PCDHGB1: variants seen among roughly 807,000 people sequenced by gnomAD.
PCDHGB1 encodes the protein protocadherin gamma subfamily B, 1.
A neutral mutation model predicts 56.6 loss-of-function variants in PCDHGB1; 34 were observed. That is an observed-to-expected ratio of 0.60 (90% CI 0.46 to 0.80). PCDHGB1 has a LOEUF of 0.80. Among genes scored for constraint, PCDHGB1 ranks in the 30% least tolerant of loss-of-function variants. The pLI, the probability that PCDHGB1 is intolerant of heterozygous loss-of-function variation, is 0.00. For synonymous variants in PCDHGB1, 561 were observed against 505.9 expected, an observed-to-expected ratio of 1.11 and a Z score of -1.46; for missense variants, 1,278 against 1,204.6, an observed-to-expected ratio of 1.06 and a Z score of -0.90.
intron 1 of PCDHGB1, chr5:141,366,252 G>A (rs772676267): frequency 8.1e-6 from 13 of 1,613,596 alleles, no homozygotes; most frequent in Non-Finnish European, 1.1e-5. Context: ...CTCAAGCAGA[G>A]CCTCGTGGTG....
At chr5:141,388,972 A>G in intron 1 of PCDHGB1, 1 of 1,614,008 alleles carries the variant, frequency 6.2e-7, no homozygotes, top group Non-Finnish European at 8.5e-7. Context: ...CTGGGAACAC[A>G]TATTGCTTTG....
rs766784928 is a variant in PCDHGB1, at chr5:141,431,447, G to T, written c.2410-63360G>T. ...GCGCACAGGCACCGCGCGCATCCGC[G>T]TGATGGTTCTGGATGCGAACGACAA... On this transcript the variant is annotated intron_variant, in intron 1 of 3. Coordinates refer to ENST00000523390, the MANE Select transcript of PCDHGB1 (RefSeq NM_018922.3). The surrounding 1 kb of genome is among the most constrained non-coding windows in gnomAD (Gnocchi z 4.8). 2 of 1,613,792 alleles carry T rather than the reference G, an allele frequency of 1.2e-6. No individual in the cohort carries two copies. The highest frequency in any genetic ancestry group is 1.7e-6 in the Non-Finnish European group (2 of 1,180,014).
chr5:141,484,763 T>C (rs2099600495), intron 1 of PCDHGB1, among the ~76,000 whole-genome samples: 1 of 151,872 alleles, frequency 6.6e-6, no homozygotes, highest in East Asian at 1.9e-4. Flanking sequence ...TATATATATA[T>C]ATGTTGTCTG....
intron 1 of PCDHGB1, chr5:141,418,636 C>G (rs564881404): frequency 6.2e-7 from 1 of 1,613,980 alleles, no homozygotes; most frequent in South Asian, 1.1e-5. Context: ...CTCCAGGCAC[C>G]TCCATCCTGA....
At chr5:141,455,607 G>A (rs2098827849) in intron 1 of PCDHGB1, among the ~76,000 whole-genome samples, 1 of 152,248 alleles carries the variant, frequency 6.6e-6, no homozygotes, top group East Asian at 1.9e-4. Context: ...GGGCGCCATG[G>A]ATGTTCTAAA....
At chr5:141,404,877 T>C in intron 1 of PCDHGB1, 1 of 1,613,856 alleles carries the variant, frequency 6.2e-7, no homozygotes, top group East Asian at 2.2e-5. Flanking sequence ...AAACAGAGCC[T>C]TGTGGTGGCT....
At chr5:141,393,175 T>C in intron 1 of PCDHGB1, 2 of 1,613,210 alleles carry the variant, frequency 1.2e-6, no homozygotes, top group Non-Finnish European at 1.7e-6. Flanking sequence ...GGGGTAGAAA[T>C]AGAAATAATT....
intron 1 of PCDHGB1, chr5:141,394,707 C>T (rs1325466311): frequency 1.2e-6 from 2 of 1,613,272 alleles, no homozygotes; most frequent in Non-Finnish European, 1.7e-6. Context: ...GGCGCGAGCC[C>T]TGCTGGACAG....
At chr5:141,390,177 C>A in intron 1 of PCDHGB1, 1 of 1,613,986 alleles carries the variant, frequency 6.2e-7, no homozygotes, top group Non-Finnish European at 8.5e-7. Context: ...GTTTAATTTC[C>A]TAAAATGTAG....
chr5:141,476,920 A>G lies in PCDHGB1; in HGVS notation c.2410-17887A>G. The G allele has an allele frequency of 6.2e-7, 1 of 1,614,094 alleles. No individual in the cohort carries two copies. The highest frequency in any genetic ancestry group is 1.1e-5 in the South Asian group (1 of 91,088). On this transcript the variant is annotated intron_variant, in intron 1 of 3. Coordinates refer to ENST00000523390, the MANE Select transcript of PCDHGB1 (RefSeq NM_018922.3). This position sits in a 1 kb window ranked among gnomAD's most constrained non-coding sequence, Gnocchi z 7.6. ...GCACGCGCGTGGTACAAGTCCTTGC[A>G]ACGGATCTGGATGAAGGCCCCAACG...
chr5:141,481,658 T>C (rs910422064), intron 1 of PCDHGB1, among the ~76,000 whole-genome samples: 2 of 150,554 alleles, frequency 1.3e-5, no homozygotes, highest in East Asian at 2.0e-4. Context: ...TCTCTACTAA[T>C]AATACAAAAA....
intron 1 of PCDHGB1, among the ~76,000 whole-genome samples, chr5:141,358,928 AC>A (rs1191349174): frequency 1.3e-5 from 2 of 152,242 alleles, no homozygotes; most frequent in Non-Finnish European, 2.9e-5. Flanking sequence ...TAGGGGATAT[AC>A]AACACTTTTG....
At chr5:141,364,205 A>C (rs1250961446) in intron 1 of PCDHGB1, 2 of 1,159,214 alleles carry the variant, frequency 1.7e-6, no homozygotes, top group African/African-American at 3.1e-5. Flanking sequence ...AGACCAGACA[A>C]GCTCCTACGA....
rs894786663 is a variant in PCDHGB1 at position 141,371,734 on chromosome 5, A to G, written c.2409+19065A>G. The G allele has an allele frequency of 1.2e-6, 2 of 1,614,042 alleles. No individual in the cohort carries two copies. Among genetic ancestry groups the G allele is most frequent in the Non-Finnish European group, 1.7e-6 (2 of 1,179,892 alleles). ...ACTCTGCACATCCTTGATGTCAACG[A>G]CAACGTTCCCGTTTTCCACCAGGCC... On this transcript the variant is annotated intron_variant, in intron 1 of 3. Coordinates refer to ENST00000523390, the MANE Select transcript of PCDHGB1 (RefSeq NM_018922.3).
intron 1 of PCDHGB1, chr5:141,418,458 T>C: frequency 6.2e-7 from 1 of 1,614,010 alleles, no homozygotes; most frequent in African/African-American, 1.3e-5. Context: ...CAGAAGACTC[T>C]GGACCGAGAA....
intron 1 of PCDHGB1, chr5:141,393,048 C>A (rs745354934): frequency 3.7e-6 from 6 of 1,613,672 alleles, no homozygotes; most frequent in Non-Finnish European, 5.1e-6. Flanking sequence ...TGCTCTGAAC[C>A]CGCGCAGCGG....
Position 141,432,039 on chromosome 5 carries a change from G to C in PCDHGB1, c.2410-62768G>C. ...AACATCACAGTGACCGCCACTGACC[G>C]GGGAACCCCGCCCCTATCCACGGAA... On this transcript the variant is annotated intron_variant, in intron 1 of 3. Transcript: ENST00000523390. This position sits in a 1 kb window ranked among gnomAD's most constrained non-coding sequence, Gnocchi z 6.0. 6.2e-7 allele frequency: 1 copy of C among 1,614,176 alleles called. No homozygotes were observed. Among genetic ancestry groups the C allele is most frequent in the Non-Finnish European group, 8.5e-7 (1 of 1,180,028 alleles).
intron 1 of PCDHGB1, chr5:141,384,711 G>A (rs765373675): frequency 2.5e-6 from 4 of 1,614,042 alleles, no homozygotes; most frequent in East Asian, 2.2e-5. Flanking sequence ...ACGCCTGGCT[G>A]TCATACCTCC....
chr5:141,352,154 G>C lies in PCDHGB1; in HGVS notation c.1894G>C (p.Asp632His), dbSNP rs770780067. The C allele has an allele frequency of 1.2e-5, 20 of 1,612,750 alleles. No homozygotes were observed. The highest frequency in any genetic ancestry group is 1.7e-5 in the Non-Finnish European group (20 of 1,179,534). The change falls in exon 1 of 4, where the codon GAC becomes CAC. Residue 632 changes from aspartate to histidine, a missense_variant. Asp to His is a moderately conservative substitution (Grantham distance 81). Coordinates refer to ENST00000523390, the MANE Select transcript of PCDHGB1 (RefSeq NM_018922.3). Reference protein sequence around the residue: ...VRTARALGDRDAARQRLLVAV... With the variant: ...VRTARALGDRHAARQRLLVAV... ...CACAGCGCGTGCCTTGGGCGACAGGGACGCGGCCCGCCAGCGCCTGCTGGT... is the reference window on the plus strand; with the variant it reads ...CACAGCGCGTGCCTTGGGCGACAGGCACGCGGCCCGCCAGCGCCTGCTGGT...
Sources: allele counts gnomAD v4.1 joint callset (sites outside exome capture counted in the v4.1 genomes callset), GRCh38; gene constraint gnomAD v4.1.1; non-coding constraint Gnocchi (gnomAD v3.1); transcripts MANE v1.5; gene names NCBI Gene and HGNC (gene_info 2026-07-23, HGNC 2026-07-21).